GFRA1: variants seen among roughly 807,000 people sequenced by gnomAD.
The protein encoded by GFRA1 is GDNF family receptor alpha-1.
A neutral mutation model predicts 51.6 loss-of-function variants in GFRA1; 16 were observed. The ratio of observed to expected loss-of-function variants is 0.31; its 90% CI spans 0.21 to 0.47. The LOEUF is 0.47. Ranked by LOEUF, GFRA1 falls within the 20% of genes least tolerant of loss-of-function variation. The pLI, the probability that GFRA1 is intolerant of heterozygous loss-of-function variation, is 1.00. For missense variants in GFRA1, 530 were observed against 594.3 expected, an observed-to-expected ratio of 0.89 and a Z score of 1.13; for synonymous variants, 270 against 241.3, an observed-to-expected ratio of 1.12 and a Z score of -1.10.
At chr10:116,170,851 G>A (rs1960952374) in intron 5 of GFRA1, among the ~76,000 whole-genome samples, 1 of 152,130 alleles carries the variant, frequency 6.6e-6, no homozygotes, top group South Asian at 2.1e-4. Context: ...GTTCTCCAGG[G>A]GCCTTGACTT....
intron 5 of GFRA1, among the ~76,000 whole-genome samples, chr10:116,151,065 G>A (rs1418875758): frequency 6.6e-6 from 1 of 151,762 alleles, no homozygotes; most frequent in African/African-American, 2.4e-5. Context: ...TCCTTCCCAT[G>A]AGCCACATCT....
Position 116,272,252 on chromosome 10 carries a change from T to C in GFRA1, c.-223A>G. 2 of 607,592 alleles carry C rather than the reference T, an allele frequency of 3.3e-6. No homozygotes were observed. Among genetic ancestry groups the C allele is most frequent in the Non-Finnish European group, 5.9e-6 (2 of 341,300 alleles). 37.6% of individuals were successfully genotyped at this position (607,592 alleles called of 1,614,324 possible). A position where few individuals can be genotyped will look rare whatever the true frequency, so the allele number is the denominator to read the frequency against. On this transcript the variant is annotated 5_prime_UTR_variant, in exon 2 of 11. Coordinates refer to ENST00000355422, the MANE Select transcript of GFRA1 (RefSeq NM_005264.8). This position sits in a 1 kb window ranked among gnomAD's most constrained non-coding sequence, Gnocchi z 4.4. Reference sequence around the variant, plus strand: ...GCGAGGGCGGGAGGCGGTTCCGCTTTTAGGGGTTCAGGTCCGACCCAACCT... The same window carrying C: ...GCGAGGGCGGGAGGCGGTTCCGCTTCTAGGGGTTCAGGTCCGACCCAACCT...
chr10:116,269,462 A>G (rs1488725443), intron 4 of GFRA1, 41 bp downstream of exon 4: 1 of 1,113,830 alleles, frequency 9.0e-7, no homozygotes, highest in South Asian at 1.2e-5. Flanking sequence ...AACGAATTCA[A>G]GCACACAAAG....
chr10:116,235,871 A>G (rs535201703), intron 4 of GFRA1, among the ~76,000 whole-genome samples: 1 of 152,182 alleles, frequency 6.6e-6, no homozygotes, highest in Non-Finnish European at 1.5e-5. Flanking sequence ...ATCTTGTAGG[A>G]AAGACCTCAG....
At chr10:116,230,419 G>T (rs1262071573) in intron 4 of GFRA1, among the ~76,000 whole-genome samples, 1 of 152,170 alleles carries the variant, frequency 6.6e-6, no homozygotes, top group African/African-American at 2.4e-5. Flanking sequence ...CATGCCAAAG[G>T]CCAAGCTCTT....
At chr10:116,065,774 A>G (rs907054772) in intron 9 of GFRA1, 148 bp from the exon 10 acceptor site, 1 of 662,530 alleles carries the variant, frequency 1.5e-6, no homozygotes, top group Non-Finnish European at 2.7e-6. Flanking sequence ...ATTTTCTAGT[A>G]GCCATGTAAT....
rs1434268365 is a variant in GFRA1 at position 116,064,112 on chromosome 10, CACAGCCCCAGTTTGCTTT to C, written c.*268_*285del. ...TCATGATCATCATCATCATCGAAAA[CACAGCCCCAGTTTGCTTT>C]ACAGCCCAAGTTACAAACTGTCCCT... On this transcript the variant is annotated 3_prime_UTR_variant, in exon 11 of 11. Transcript: ENST00000355422. The C allele has an allele frequency of 3.0e-6, 1 of 331,938 alleles. No individual in the cohort carries two copies. Among genetic ancestry groups the C allele is most frequent in the Non-Finnish European group, 5.7e-6 (1 of 175,978 alleles). 20.6% of individuals were successfully genotyped at this position (331,938 alleles called of 1,614,324 possible).
chr10:116,190,927 C>T (rs1278995992), intron 5 of GFRA1, among the ~76,000 whole-genome samples: 1 of 152,146 alleles, frequency 6.6e-6, no homozygotes, highest in Non-Finnish European at 1.5e-5. Flanking sequence ...CTACCTACAG[C>T]TGAACAAGAA....
chr10:116,093,133 G>A lies in GFRA1; in HGVS notation c.1015+569C>T, dbSNP rs190726634. Among the ~76,000 whole-genome samples the A allele has an allele frequency of 6.9e-4, 105 of 152,238 alleles. 1 individual carries two copies. Among genetic ancestry groups the A allele is most frequent in the African/African-American group, 2.4e-3 (101 of 41,548 alleles). On this transcript the variant is annotated intron_variant, in intron 8 of 10. Transcript: ENST00000355422. ...CGCCTCCAGAGATAACGGGCATCCC[G>A]AGCCTCCTGCCTGCATCGCCAGTTT...
At chr10:116,250,103 G>C (rs1358865533) in intron 4 of GFRA1, among the ~76,000 whole-genome samples, 2 of 152,196 alleles carry the variant, frequency 1.3e-5, no homozygotes, top group African/African-American at 4.8e-5. Flanking sequence ...GTGTGTGCTA[G>C]GGAGGAGAAA....
At chr10:116,079,415 C>G (rs1440343607) in intron 9 of GFRA1, among the ~76,000 whole-genome samples, 1 of 152,066 alleles carries the variant, frequency 6.6e-6, no homozygotes, top group African/African-American at 2.4e-5. Flanking sequence ...ACTTATATCT[C>G]CCTATGCTCC....
intron 4 of GFRA1, among the ~76,000 whole-genome samples, chr10:116,252,785 C>A (rs980901531): frequency 6.6e-6 from 1 of 152,156 alleles, no homozygotes; most frequent in Non-Finnish European, 1.5e-5. Flanking sequence ...TGTCTCATAA[C>A]AAAGATCCAG....
intron 5 of GFRA1, among the ~76,000 whole-genome samples, chr10:116,141,686 T>A (rs4439435): frequency 6.6e-6 from 1 of 152,028 alleles, no homozygotes; most frequent in Non-Finnish European, 1.5e-5. Context: ...CGGGTTCAAG[T>A]GAGTCTCCTG....
chr10:116,102,535 A>C (rs2133934591), intron 6 of GFRA1, among the ~76,000 whole-genome samples: 1 of 152,364 alleles, frequency 6.6e-6, no homozygotes, highest in Non-Finnish European at 1.5e-5. Flanking sequence ...TAATCTATAA[A>C]GAAAAAGAGG....
chr10:116,131,894 A>C (rs1401483331), intron 5 of GFRA1, among the ~76,000 whole-genome samples: 1 of 134,502 alleles, frequency 7.4e-6, no homozygotes, highest in African/African-American at 2.9e-5. Flanking sequence ...TGTAAACATT[A>C]TCTCAAAAGG....
chr10:116,211,718 T>C, intron 4 of GFRA1, 73 bp from the exon 5 acceptor site: 1 of 1,213,380 alleles, frequency 8.2e-7, no homozygotes, highest in Non-Finnish European at 1.2e-6. Flanking sequence ...ATAATAATGT[T>C]GAAAAGGACA....
chr10:116,217,901 A>G (rs1170021721), intron 4 of GFRA1, among the ~76,000 whole-genome samples: 1 of 152,146 alleles, frequency 6.6e-6, no homozygotes, highest in Non-Finnish European at 1.5e-5. Context: ...ACATTTATTG[A>G]TTGTCTACTA....
At chr10:116,138,380 T>A (rs1455415346) in intron 5 of GFRA1, among the ~76,000 whole-genome samples, 1 of 152,194 alleles carries the variant, frequency 6.6e-6, no homozygotes, top group Non-Finnish European at 1.5e-5. Context: ...ACCTTTTTTT[T>A]ATGCCCACCT....
intron 5 of GFRA1, among the ~76,000 whole-genome samples, chr10:116,143,369 C>G (rs1049284353): frequency 2.0e-5 from 3 of 149,912 alleles, no homozygotes; most frequent in African/African-American, 7.3e-5. Flanking sequence ...CTTGAAGACT[C>G]TACTACAGAG....
Sources: gnomAD v4.1 joint callset for allele counts (sites outside exome capture counted in the v4.1 genomes callset) on GRCh38, gnomAD v4.1.1 for gene constraint, Gnocchi (gnomAD v3.1) non-coding constraint, MANE v1.5 for transcripts, NCBI Gene and HGNC (gene_info 2026-07-23, HGNC 2026-07-21) for gene names.